The following CCDC34 variants were observed in gnomAD, a reference collection of about 807,000 sequenced individuals.
CCDC34 encodes the protein coiled-coil domain containing 34.
In CCDC34, 40 loss-of-function variants were observed where a neutral mutation model predicts 44.1. The observed-to-expected ratio is 0.91, with a 90% CI of 0.70 to 1.18. The LOEUF is 1.18. CCDC34 is among the 50% of genes most tolerant of loss of function. The pLI is 0.00. For synonymous variants in CCDC34, 159 were observed against 158.2 expected, an observed-to-expected ratio of 1.01 and a Z score of -0.04; for missense variants, 466 against 452.3, an observed-to-expected ratio of 1.03 and a Z score of -0.28.
chr11:27,361,616 C>T (rs1035015050), intron 1 of CCDC34, among the ~76,000 whole-genome samples: 3 of 152,150 alleles, frequency 2.0e-5, no homozygotes, highest in Non-Finnish European at 4.4e-5. Flanking sequence ...CTTGGTTACT[C>T]TTTCTGATCT....
At chr11:27,351,762 A>C (rs1171821847) in intron 2 of CCDC34, among the ~76,000 whole-genome samples, 1 of 152,190 alleles carries the variant, frequency 6.6e-6, no homozygotes, top group African/African-American at 2.4e-5. Flanking sequence ...AGATGAGGAG[A>C]AACATCTTTC....
chr11:27,359,845 C>G, intron 1 of CCDC34, among the ~76,000 whole-genome samples: 1 of 152,180 alleles, frequency 6.6e-6, no homozygotes. Context: ...ACTGTCCCTT[C>G]AAAATTCAAC....
At position 27,363,017 on chromosome 11, in the gene CCDC34, TGCA is replaced by T. The variant is rs1862693683; in HGVS notation, c.175_177del (p.Cys59del). The T allele has an allele frequency of 5.0e-6, 8 of 1,614,202 alleles. No homozygotes were observed. The highest frequency in any genetic ancestry group is 6.8e-6 in the Non-Finnish European group (8 of 1,180,030). ...GACAACAGCGACCTGGTGGAATTGC[TGCA>T]GCTCAGCGGCAGCGGCGGCGACGGC... On this transcript the variant is annotated inframe_deletion, in exon 1 of 6. Coordinates refer to ENST00000328697, the MANE Select transcript of CCDC34 (RefSeq NM_030771.2).
At chr11:27,349,539 C>T (rs1862476561) in intron 3 of CCDC34, 5 of 947,988 alleles carry the variant, frequency 5.3e-6, no homozygotes, top group South Asian at 4.9e-5. Flanking sequence ...AACATTTTTC[C>T]ACATTTGTAA....
chr11:27,343,698 C>T (rs765260509), intron 3 of CCDC34, among the ~76,000 whole-genome samples: 2 of 152,186 alleles, frequency 1.3e-5, no homozygotes, highest in Admixed American at 1.3e-4. Context: ...TAGCAGCTGA[C>T]ATTTATTGAG....
intron 3 of CCDC34, chr11:27,349,954 G>A (rs1275946127): frequency 1.0e-5 from 11 of 1,083,702 alleles, no homozygotes; most frequent in Middle Eastern, 4.1e-4. Context: ...CTTGATGACC[G>A]AGAAGACAGC....
At chr11:27,342,174 T>C (rs528645751) in intron 3 of CCDC34, among the ~76,000 whole-genome samples, 236 of 151,944 alleles carry the variant, frequency 1.6e-3, no homozygotes, top group African/African-American at 5.3e-3. Context: ...AACAGACTAA[T>C]ACAGTGTTCA....
intron 1 of CCDC34, among the ~76,000 whole-genome samples, chr11:27,358,616 G>A (rs1305920623): frequency 3.3e-5 from 5 of 152,038 alleles, no homozygotes; most frequent in East Asian, 1.9e-4. Context: ...TCTTATATGC[G>A]TCTTTCCTTC....
At chr11:27,351,236 A>T (rs1399053963) in intron 2 of CCDC34, among the ~76,000 whole-genome samples, 2 of 152,142 alleles carry the variant, frequency 1.3e-5, no homozygotes, top group African/African-American at 2.4e-5. Context: ...CAGATACCTT[A>T]CGTATCTTCT....
In CCDC34 at chr11:27,357,532, AACCTGAGTGCT is replaced by A; in HGVS notation, c.360-2_368del. Reference sequence around the variant, plus strand: ...GTTCTTCTTGGTTATTTTCTGATTCAACCTGAGTGCTACAAAAGAGAGGCTACTATAGTACT... The same window carrying A: ...GTTCTTCTTGGTTATTTTCTGATTCAACAAAAGAGAGGCTACTATAGTACT... On this transcript the variant is annotated splice_acceptor_variant and coding_sequence_variant, in exon 2 of 6. Transcript: ENST00000328697. LOFTEE classifies it high-confidence loss of function. 1.2e-6 allele frequency: 2 copies of A among 1,613,820 alleles called. No individual in the cohort carries two copies. Among genetic ancestry groups the A allele is most frequent in the Non-Finnish European group, 1.7e-6 (2 of 1,179,846 alleles).
chr11:27,340,790 T>C lies in CCDC34; in HGVS notation c.813A>G (p.Ile271Met), dbSNP rs764669010. The change falls in exon 5 of 6, where the codon ATA (isoleucine) becomes ATG (methionine). Residue 271 changes from isoleucine to methionine, a missense_variant. Transcript: ENST00000328697. The part of the protein sequence containing the change: ...QQAEIQEKKE[I>M]AEKKFQEWLE... Reference sequence around the variant, plus strand: ...ACCATTCTTGAAACTTTTTTTCTGCTATTTCCTTTTTCTCCTGTATTTCAG... The same window carrying C: ...ACCATTCTTGAAACTTTTTTTCTGCCATTTCCTTTTTCTCCTGTATTTCAG... The C allele has an allele frequency of 8.7e-6, 14 of 1,613,768 alleles. No homozygotes were observed. The highest frequency in any genetic ancestry group is 1.2e-5 in the Non-Finnish European group (14 of 1,179,804).
chr11:27,357,611 T>C, intron 1 of CCDC34, 70 bp from the exon 2 acceptor site: 2 of 1,446,360 alleles, frequency 1.4e-6, no homozygotes, highest in Non-Finnish European at 9.3e-7. Flanking sequence ...ATCACTTAAC[T>C]GTACAGTAAA....
intron 2 of CCDC34, among the ~76,000 whole-genome samples, chr11:27,351,326 A>G (rs892692878): frequency 3.9e-5 from 6 of 152,150 alleles, no homozygotes; most frequent in Admixed American, 6.5e-5. Context: ...GGGAAAGACA[A>G]TTTTCCAACC....
chr11:27,362,988 G>A lies in CCDC34; in HGVS notation c.207C>T (p.Pro69=). 1.9e-6 allele frequency: 3 copies of A among 1,614,164 alleles called. No homozygotes were observed. The South Asian group carries it at 3.3e-5, about 18-fold the overall frequency. Residue 69 remains proline (P), a synonymous_variant, in exon 1 of 6, where the codon CCC becomes CCT. Transcript: ENST00000328697. ...CAAACTGGAAGCTCTGGTGGCCAAG[G>A]GGAGACAACAGCGACCTGGTGGAAT... ...CSNSTRSLLS[P]LGHQSFQFDE... is the part of the protein sequence containing the mutation.
At chr11:27,341,364 T>A in intron 4 of CCDC34, 28 bp downstream of exon 4, 1 of 1,377,242 alleles carries the variant, frequency 7.3e-7, no homozygotes, top group South Asian at 1.5e-5. Flanking sequence ...AAGTTATGTA[T>A]TCTAACTGGT....
In CCDC34 at chr11:27,338,735, T is replaced by C. The variant is rs1029079148; in HGVS notation, c.*86A>G. 1.2e-5 allele frequency: 13 copies of C among 1,046,842 alleles called. No homozygotes were observed. The highest frequency in any genetic ancestry group is 3.2e-5 in the African/African-American group (2 of 62,084). 64.8% of individuals were successfully genotyped at this position (1,046,842 alleles called of 1,614,324 possible). A position where few individuals can be genotyped will look rare whatever the true frequency, so the allele number is the denominator to read the frequency against. ...TATTTGTCAATAATCACATTAAGTG[T>C]TGAGTTATTGACTGAGCAGTAAAAA... is the stretch of plus-strand genomic sequence containing the variant. On this transcript the variant is annotated 3_prime_UTR_variant, in exon 6 of 6. Coordinates refer to ENST00000328697, the MANE Select transcript of CCDC34 (RefSeq NM_030771.2).
chr11:27,351,711 C>A (rs988743330), intron 2 of CCDC34, among the ~76,000 whole-genome samples: 1 of 152,080 alleles, frequency 6.6e-6, no homozygotes, highest in Admixed American at 6.5e-5. Flanking sequence ...TGCTACATTG[C>A]GAGTTATTGC....
chr11:27,343,020 T>A (rs1359806399), intron 3 of CCDC34, among the ~76,000 whole-genome samples: 2 of 152,164 alleles, frequency 1.3e-5, no homozygotes, highest in Non-Finnish European at 2.9e-5. Context: ...AATACATTAA[T>A]ATAAGCAATT....
chr11:27,362,642 G>A (rs769939453), intron 1 of CCDC34, among the ~76,000 whole-genome samples, 194 bp downstream of exon 1: 1 of 152,152 alleles, frequency 6.6e-6, no homozygotes, highest in Non-Finnish European at 1.5e-5. Flanking sequence ...AGGATTAAGA[G>A]CCATAGGAAA....
Sources: allele counts gnomAD v4.1 joint callset (sites outside exome capture counted in the v4.1 genomes callset), GRCh38; gene constraint gnomAD v4.1.1; transcripts MANE v1.5; gene names NCBI Gene and HGNC (gene_info 2026-07-23, HGNC 2026-07-21).